C1QTNF3: variants seen among roughly 807,000 people sequenced by gnomAD.
C1QTNF3 encodes complement C1q tumor necrosis factor-related protein 3.
In C1QTNF3, 26 loss-of-function variants were observed where a neutral mutation model predicts 32.6. The ratio of observed to expected loss-of-function variants is 0.80; its 90% CI spans 0.58 to 1.11. C1QTNF3 has a LOEUF of 1.11. Ranked by LOEUF, C1QTNF3 falls within the 50% of genes least tolerant of loss-of-function variation. The pLI, the probability that C1QTNF3 is intolerant of heterozygous loss-of-function variation, is 0.00. For synonymous variants in C1QTNF3, 155 were observed against 146.0 expected, an observed-to-expected ratio of 1.06 and a Z score of -0.44; for missense variants, 362 against 398.2, an observed-to-expected ratio of 0.91 and a Z score of 0.77.
the C1QTNF3 span, among the ~76,000 whole-genome samples, chr5:34,122,040 A>G: frequency 6.6e-6 from 1 of 152,344 alleles, no homozygotes; most frequent in African/African-American, 2.4e-5. Flanking sequence ...TATAAGCTAC[A>G]TAGTATGTAT....
chr5:34,020,382 T>C lies in C1QTNF3; in HGVS notation c.*201A>G. ...GCTGAGTATATTAGTCAAGGTCATC[T>C]GAGAAGACTATTTTGTGGTTGATTC... On this transcript the variant is annotated 3_prime_UTR_variant, in exon 6 of 6. Transcript: ENST00000382065. 1.7e-6 allele frequency: 1 copy of C among 598,300 alleles called. No homozygotes were observed. The highest frequency in any genetic ancestry group is 2.9e-6 in the Non-Finnish European group (1 of 343,710). The allele number at this position is 598,300 out of a possible 1,614,324, so 37.1% of individuals were successfully genotyped here.
chr5:34,074,227 A>C, the C1QTNF3 span, among the ~76,000 whole-genome samples: 3 of 149,566 alleles, frequency 2.0e-5, 1 homozygote, highest in African/African-American at 7.7e-5. Context: ...CAAGAAAGAT[A>C]AGAGCAGTCC....
At chr5:34,038,819 A>G (rs941255777) in intron 1 of C1QTNF3, among the ~76,000 whole-genome samples, 1 of 152,010 alleles carries the variant, frequency 6.6e-6, no homozygotes, top group African/African-American at 2.4e-5. Flanking sequence ...TACAGTAGGT[A>G]GCTACTCAGA....
chr5:34,213,800 TA>T, the C1QTNF3 span, among the ~76,000 whole-genome samples: 3 of 3,068 alleles, frequency 9.8e-4, no homozygotes, highest in Non-Finnish European at 2.8e-3. Flanking sequence ...TATATATATA[TA>T]TATATATATT....
the C1QTNF3 span, among the ~76,000 whole-genome samples, chr5:34,219,590 T>C: frequency 2.3e-4 from 35 of 152,124 alleles, no homozygotes; most frequent in Non-Finnish European, 4.6e-4. Context: ...AAAACCGCTT[T>C]GAAACATCGA....
the C1QTNF3 span, among the ~76,000 whole-genome samples, chr5:34,153,705 G>A: frequency 1.1e-5 from 1 of 94,214 alleles, no homozygotes; most frequent in Non-Finnish European, 2.1e-5. Context: ...GGGGACTGTG[G>A]TGGGGTCGGG....
chr5:34,124,337 T>C, the C1QTNF3 span: 18 of 663,804 alleles, frequency 2.7e-5, no homozygotes, highest in Non-Finnish European at 5.0e-5. Context: ...TATAAAGAAA[T>C]ACCTGAGACT....
At chr5:34,208,493 GTTT>G in the C1QTNF3 span, among the ~76,000 whole-genome samples, 13 of 143,988 alleles carry the variant, frequency 9.0e-5, no homozygotes, top group African/African-American at 3.3e-4. Flanking sequence ...CTCTTTCACA[GTTT>G]TTTTTTTTTA....
the C1QTNF3 span, among the ~76,000 whole-genome samples, chr5:34,222,673 C>A: frequency 6.6e-6 from 1 of 151,794 alleles, no homozygotes; most frequent in Non-Finnish European, 1.5e-5. Flanking sequence ...TATATAAATT[C>A]TGTTAACGTG....
At chr5:34,036,286 C>T (rs1360949003) in intron 1 of C1QTNF3, among the ~76,000 whole-genome samples, 1 of 152,096 alleles carries the variant, frequency 6.6e-6, no homozygotes, top group African/African-American at 2.4e-5. Context: ...TTTCAAACAG[C>T]CATAGCACAC....
At chr5:34,065,513 A>AGAAG in the C1QTNF3 span, among the ~76,000 whole-genome samples, 1 of 152,142 alleles carries the variant, frequency 6.6e-6, no homozygotes, top group Admixed American at 6.6e-5. Flanking sequence ...CTAAAAATAC[A>AGAAG]AAAATTAGCT....
the C1QTNF3 span, among the ~76,000 whole-genome samples, chr5:34,129,872 A>T: frequency 6.6e-6 from 1 of 151,992 alleles, no homozygotes; most frequent in African/African-American, 2.4e-5. Flanking sequence ...TTCAGCATCT[A>T]ATTTTCTCAT....
chr5:34,176,428 A>AAGAC, the C1QTNF3 span, among the ~76,000 whole-genome samples: 72,408 of 149,962 alleles, frequency 0.48, 19,771 homozygotes, highest in Non-Finnish European at 0.61. Context: ...ACAAAAAAAA[A>AAGAC]AGCCAAGGAA....
the C1QTNF3 span, among the ~76,000 whole-genome samples, chr5:34,120,754 C>G: frequency 6.6e-6 from 1 of 152,168 alleles, no homozygotes; most frequent in Non-Finnish European, 1.5e-5. Context: ...CATTGTGAGG[C>G]CTCCCCAGCC....
At position 34,019,483 on chromosome 5, in the gene C1QTNF3, CT is replaced by C. The variant is rs1051497215; in HGVS notation, c.*1099del. 5.3e-5 allele frequency: 8 copies of C among 152,162 alleles called. No individual in the cohort carries two copies. The highest frequency in any genetic ancestry group is 1.4e-4 in the African/African-American group (6 of 41,422). 9.4% of individuals were successfully genotyped at this position (152,162 alleles called of 1,614,324 possible). On this transcript the variant is annotated 3_prime_UTR_variant, in exon 6 of 6. Transcript: ENST00000382065. ...GGTATTCAGATTTTATTTGTGAGCC[CT>C]CTAAACATCAATGTCTTAAAGGGTT... is the stretch of plus-strand genomic sequence containing the variant.
chr5:34,230,800 T>TAAAAC, the C1QTNF3 span, among the ~76,000 whole-genome samples: 76,606 of 151,054 alleles, frequency 0.51, 22,614 homozygotes, highest in Non-Finnish European at 0.66. Flanking sequence ...TTTATCTTAT[T>TAAAAC]AAAACAAAAC....
the C1QTNF3 span, among the ~76,000 whole-genome samples, chr5:34,053,035 G>A: frequency 6.6e-6 from 1 of 152,258 alleles, no homozygotes. Flanking sequence ...TTTTTCCAAA[G>A]GTGAATTTGA....
At chr5:34,244,561 C>T in the C1QTNF3 span, 1 of 152,102 alleles carries the variant, frequency 6.6e-6, no homozygotes, top group African/African-American at 2.4e-5. Context: ...CAAAAGTTCT[C>T]CAAGTCCCCA....
At chr5:34,235,297 A>G in the C1QTNF3 span, among the ~76,000 whole-genome samples, 54 of 152,262 alleles carry the variant, frequency 3.5e-4, no homozygotes, top group East Asian at 6.2e-3. Context: ...AGTGGTTTCC[A>G]ACAAGGAATG....
Sources: allele counts gnomAD v4.1 joint callset (sites outside exome capture counted in the v4.1 genomes callset), GRCh38; gene constraint gnomAD v4.1.1; transcripts MANE v1.5; gene names NCBI Gene and HGNC (gene_info 2026-07-23, HGNC 2026-07-21).